Variants in ITGAL observed in about 807,000 individuals in gnomAD.
ITGAL encodes the protein integrin subunit alpha L, also known as integrin alpha-L.
ITGAL carries 68 observed loss-of-function variants against 138.4 expected under a neutral mutation model. The observed-to-expected ratio is 0.49, with a 90% CI of 0.40 to 0.60. The LOEUF is 0.60. Among genes scored for constraint, ITGAL ranks in the 20% least tolerant of loss-of-function variants. The probability of loss-of-function intolerance (pLI) is 0.00; values close to 1 mark genes in which losing one functional copy is unlikely to be tolerated. For synonymous variants in ITGAL, 561 were observed against 584.3 expected, an observed-to-expected ratio of 0.96 and a Z score of 0.57; for missense variants, 1,256 against 1,478.6, an observed-to-expected ratio of 0.85 and a Z score of 2.47.
intron 15 of ITGAL, among the ~76,000 whole-genome samples, chr16:30,498,213 T>C (rs2050832453): frequency 1.3e-5 from 2 of 148,168 alleles, no homozygotes; most frequent in South Asian, 4.2e-4. Context: ...TAATCCCAGC[T>C]ACTCGGGAGG....
At chr16:30,519,620 G>A in intron 29 of ITGAL, 1 of 514,108 alleles carries the variant, frequency 1.9e-6, no homozygotes, top group Non-Finnish European at 3.5e-6. Context: ...TTTGAATGCT[G>A]AGCTGCGTGC....
At chr16:30,481,658 G>A in intron 7 of ITGAL, 74 bp downstream of exon 7, 1 of 1,424,328 alleles carries the variant, frequency 7.0e-7, no homozygotes, top group African/African-American at 1.4e-5. Context: ...CAGCTGCAGG[G>A]CATGGGAACT....
At chr16:30,506,942 T>G (rs2051010136) in intron 21 of ITGAL, 86 bp downstream of exon 21, 1 of 1,476,902 alleles carries the variant, frequency 6.8e-7, no homozygotes, top group African/African-American at 1.4e-5. Context: ...CAGGACAGCC[T>G]GAACACATGG....
chr16:30,507,978 G>A lies in ITGAL; in HGVS notation c.2508+1122G>A, dbSNP rs564821315. 2.6e-3 allele frequency among the ~76,000 whole-genome samples: 401 copies of A among 151,754 alleles called. 2 individuals are homozygous for A. Among genetic ancestry groups the A allele is most frequent in the Non-Finnish European group, 4.5e-3 (308 of 67,926 alleles). On this transcript the variant is annotated intron_variant, in intron 21 of 30. Transcript: ENST00000356798. ...GGCTGGAGTGCAGTGGCGCGATCTC[G>A]GCTCACTGCAAACTCCACCTCCCGG...
Position 30,496,458 on chromosome 16 carries a change from T to G in ITGAL, c.1724T>G (p.Leu575Arg), listed in dbSNP as rs757296301. Reference protein sequence around the residue: ...PSQRIEGTQVLSGIQWFGRSI... With the variant: ...PSQRIEGTQVRSGIQWFGRSI... ...CAGCGGATAGAAGGGACCCAAGTGC[T>G]CTCAGGAATTCAGTGGTTTGGACGC... Residue 575 changes from leucine to arginine, a missense_variant, in exon 15 of 31, where the codon CTC becomes CGC. By Grantham distance (102) the Leu-to-Arg change is moderately radical. This residue lies in a region of ITGAL where 867 missense variants were observed against 972.5 expected (regional missense o/e 0.89). Coordinates refer to ENST00000356798, the MANE Select transcript of ITGAL (RefSeq NM_002209.3). 6.2e-7 allele frequency: 1 copy of G among 1,613,626 alleles called. No homozygotes were observed. The highest frequency in any genetic ancestry group is 8.5e-7 in the Non-Finnish European group (1 of 1,179,928).
intron 21 of ITGAL, among the ~76,000 whole-genome samples, chr16:30,508,209 ATTTTTTTTTTT>A (rs71149036): frequency 1.1e-5 from 1 of 95,096 alleles, no homozygotes; most frequent in African/African-American, 4.3e-5. Context: ...CGCCCGGCCT[ATTTTTTTTTTT>A]TTTTTTTTTT....
At chr16:30,502,420 A>AT (rs2050917155) in intron 17 of ITGAL, among the ~76,000 whole-genome samples, 1 of 135,596 alleles carries the variant, frequency 7.4e-6, no homozygotes, top group Non-Finnish European at 1.6e-5. Context: ...AAAAAAAAAA[A>AT]GGATTGATAT....
At chr16:30,499,733 A>ATGTGTATATATATATATATATTT in intron 17 of ITGAL, among the ~76,000 whole-genome samples, 21 of 88,388 alleles carry the variant, frequency 2.4e-4, no homozygotes, top group Non-Finnish European at 3.6e-4. Flanking sequence ...ATATATATAT[A>ATGTGTATATATATATATATATTT]TTTTTTTTTT....
chr16:30,506,748 C>T lies in ITGAL; in HGVS notation c.2400C>T (p.Ser800=). ...CCCTGCGTCTAACTGCTTTTGCCAG[C>T]CTCTCTGTGGAGCTGAGCCTGAGTA... ...SRALRLTAFA[S]LSVELSLSNL... is the part of the protein sequence containing the mutation. Residue 800 remains serine, a synonymous_variant, in exon 21 of 31, where the codon AGC becomes AGT. Transcript: ENST00000356798. The T allele has an allele frequency of 6.2e-7, 1 of 1,613,910 alleles. No homozygotes were observed. Among genetic ancestry groups the T allele is most frequent in the South Asian group, 1.1e-5 (1 of 91,078 alleles).
Position 30,511,068 on chromosome 16 carries a change from C to T in ITGAL, c.2718C>T (p.Asp906=). 1.2e-6 allele frequency: 2 copies of T among 1,613,992 alleles called. No homozygotes were observed. Among genetic ancestry groups the T allele is most frequent in the East Asian group, 2.2e-5 (1 of 44,876 alleles). The stretch of plus-strand genomic sequence containing the variant: ...AATGCAGTAACAATGAGGACTCAGA[C>T]CTCCTGGAGGACAACTCAGCCACTA... ...ANVTCNNEDS[D]LLEDNSATTI... The change falls in exon 24 of 31, where the codon GAC becomes GAT. Residue 906 remains aspartate, a synonymous_variant. Transcript: ENST00000356798.
intron 2 of ITGAL, 153 bp downstream of exon 2, chr16:30,474,451 CAG>C (rs2050439744): frequency 1.6e-6 from 1 of 615,422 alleles, no homozygotes; most frequent in African/African-American, 1.9e-5. Context: ...TGGGAATCCT[CAG>C]AGACAGGAGT....
At chr16:30,499,539 G>T in intron 17 of ITGAL, 50 bp downstream of exon 17, 2 of 1,585,208 alleles carry the variant, frequency 1.3e-6, no homozygotes, top group Non-Finnish European at 1.7e-6. Context: ...GCAGGGGCAG[G>T]CTCAGCTCCG....
At chr16:30,492,830 C>T (rs2050743792) in intron 11 of ITGAL, among the ~76,000 whole-genome samples, 1 of 152,054 alleles carries the variant, frequency 6.6e-6, no homozygotes, top group African/African-American at 2.4e-5. Context: ...AGGCGTGAGC[C>T]ACCGCGCCCG....
chr16:30,499,733 A>ACGTATATATATATATATATATATT (rs2050862772), intron 17 of ITGAL, among the ~76,000 whole-genome samples: 6 of 88,368 alleles, frequency 6.8e-5, no homozygotes, highest in African/African-American at 3.6e-4. Context: ...ATATATATAT[A>ACGTATATATATATATATATATATT]TTTTTTTTTT....
At chr16:30,496,936 T>C (rs955463897) in intron 15 of ITGAL, among the ~76,000 whole-genome samples, 2 of 152,034 alleles carry the variant, frequency 1.3e-5, no homozygotes, top group Non-Finnish European at 2.9e-5. Context: ...GGAGCCACTA[T>C]GCATGGCCTA....
At chr16:30,487,681 G>C (rs2050667425) in intron 9 of ITGAL, among the ~76,000 whole-genome samples, 1 of 150,502 alleles carries the variant, frequency 6.6e-6, no homozygotes, top group African/African-American at 2.4e-5. Context: ...CAAAGTGCTA[G>C]GATTACAGGT....
rs778561596 is a variant in ITGAL, at chr16:30,505,284, A to T, written c.2276A>T (p.His759Leu). The T allele has an allele frequency of 6.2e-7, 1 of 1,612,524 alleles. No individual in the cohort carries two copies. The highest frequency in any genetic ancestry group is 8.5e-7 in the Non-Finnish European group (1 of 1,179,368). ...CCGCCCATCCTGAGACCCTCCCTGC[A>T]CTCGGAAACCTGGGAGGTAAGAGGG... ...DIPPILRPSL[H>L]SETWEIPFEK... Residue 759 changes from histidine to leucine, a missense_variant, in exon 19 of 31, where the codon CAC becomes CTC. By Grantham distance (99) the His-to-Leu change is moderately conservative. Around this residue, in one of 3 missense-constraint regions of ITGAL, gnomAD observed 867 missense variants for 972.5 expected, o/e 0.89. Coordinates refer to ENST00000356798, the MANE Select transcript of ITGAL (RefSeq NM_002209.3).
rs1319774447 is a variant in ITGAL at position 30,494,228 on chromosome 16, G to C, written c.1230G>C (p.Trp410Cys). 1.9e-6 allele frequency: 3 copies of C among 1,609,896 alleles called. No individual in the cohort carries two copies. The African/African-American group carries it at 4.0e-5, about 22-fold the overall frequency. Residue 410 changes from tryptophan to cysteine, a missense_variant, in exon 12 of 31, where the codon TGG becomes TGC. Physicochemically the swap from Trp to Cys is radical, Grantham distance 215. Transcript: ENST00000356798. The surrounding 1 kb of genome is among the most constrained non-coding windows in gnomAD (Gnocchi z 4.2). ...RAGYLGYTVT[W>C]LPSRQKTSLL... ...TTTCCTCAGGTTACACCGTGACCTG[G>C]CTGCCCTCCCGGCAAAAGACTTCGT...
In ITGAL at chr16:30,510,467, A is replaced by T; in HGVS notation, c.2615A>T (p.His872Leu). The change falls in exon 22 of 31, where the codon CAC becomes CTC. Residue 872 changes from histidine (H) to leucine (L), a missense_variant. This residue lies in a region of ITGAL where 867 missense variants were observed against 972.5 expected (regional missense o/e 0.89). Coordinates refer to ENST00000356798, the MANE Select transcript of ITGAL (RefSeq NM_002209.3). ...AGCTCTCCCATCTTCAAAGCAGGCC[A>T]CTCGGTGAGTGCTTCAAGTCTCCAG... ...NVSSPIFKAGHSVALQMMFNT... is the reference protein window; with the variant it reads ...NVSSPIFKAGLSVALQMMFNT... 1 of 1,580,492 alleles carries T rather than the reference A, an allele frequency of 6.3e-7. No individual in the cohort carries two copies. The highest frequency in any genetic ancestry group is 8.7e-7 in the Non-Finnish European group (1 of 1,149,332).
Sources: gnomAD v4.1 joint callset for allele counts (sites outside exome capture counted in the v4.1 genomes callset) on GRCh38, gnomAD v4.1.1 for gene constraint, gnomAD v4.1.1 regional missense constraint, Gnocchi (gnomAD v3.1) non-coding constraint, MANE v1.5 for transcripts, NCBI Gene and HGNC (gene_info 2026-07-23, HGNC 2026-07-21) for gene names.